The following ZNF469 variants were observed in gnomAD, a reference collection of about 807,000 sequenced individuals.
The protein encoded by ZNF469 is zinc finger protein 469.
ZNF469 carries 1 observed loss-of-function variant against 1.0 expected under a neutral mutation model. The ratio of observed to expected loss-of-function variants is 1.00; its 90% CI spans 0.35 to 4.73. The LOEUF is 4.73. Among genes scored for constraint, ZNF469 ranks in the 30% most tolerant of loss-of-function variants. ZNF469 has a pLI of 0.16. For synonymous variants in ZNF469, 2,703 were observed against 2,363.4 expected (o/e 1.14, Z -4.17); for missense variants, 6,100 against 5,356.3 (o/e 1.14, Z -4.33).
chr16:88,388,989 G>A (rs1418353293), intron 1 of ZNF469, among the ~76,000 whole-genome samples: 2 of 152,346 alleles, frequency 1.3e-5, no homozygotes, highest in African/African-American at 2.4e-5. Context: ...CCAGCCCTTC[G>A]CTGTAGGAAC....
chr16:88,363,346 G>A, the ZNF469 span, among the ~76,000 whole-genome samples: 1 of 152,190 alleles, frequency 6.6e-6, no homozygotes, highest in South Asian at 2.1e-4. Flanking sequence ...TTTAGATTCT[G>A]CTGTGTGCCT....
At position 88,429,345 on chromosome 16, in the gene ZNF469, C is replaced by A. The variant is rs886052392; in HGVS notation, c.1875C>A (p.Leu625=). ...PANPSSEESQ[L]PGPLGPSAFF... ...ACCCCAGCTCAGAGGAAAGCCAGCT[C>A]CCCGGCCCCCTCGGGCCCTCGGCCT... The change falls in exon 3 of 3, where the codon CTC becomes CTA. Residue 625 remains leucine (L), a synonymous_variant. Transcript: ENST00000565624. 8 of 1,549,710 alleles carry A rather than the reference C, an allele frequency of 5.2e-6. No homozygotes were observed. The highest frequency in any genetic ancestry group is 3.3e-4 in the Middle Eastern group (2 of 6,012).
the ZNF469 span, among the ~76,000 whole-genome samples, chr16:88,377,504 A>C: frequency 6.6e-6 from 1 of 152,236 alleles, no homozygotes; most frequent in Admixed American, 6.5e-5. Flanking sequence ...GACTGGGGCC[A>C]TTCAGATGAT....
chr16:88,252,627 G>T, the ZNF469 span, among the ~76,000 whole-genome samples: 1 of 152,130 alleles, frequency 6.6e-6, no homozygotes. Flanking sequence ...GAAGTTCTTC[G>T]CTAAATACTT....
the ZNF469 span, among the ~76,000 whole-genome samples, chr16:88,197,737 G>A: frequency 6.6e-6 from 1 of 152,222 alleles, no homozygotes; most frequent in African/African-American, 2.4e-5. Context: ...GGCCCCCCCA[G>A]GGCCGGAAGG....
At chr16:88,415,975 C>A (rs1905291900) in intron 1 of ZNF469, among the ~76,000 whole-genome samples, 1 of 152,234 alleles carries the variant, frequency 6.6e-6, no homozygotes, top group South Asian at 2.1e-4. Context: ...CACCCCATCC[C>A]CACCCAGCTC....
chr16:88,193,054 GTGATGGTGGT>G, the ZNF469 span, among the ~76,000 whole-genome samples: 252 of 96,382 alleles, frequency 2.6e-3, 3 homozygotes, highest in Middle Eastern at 5.2e-3. Flanking sequence ...GGTGATGATG[GTGATGGTGGT>G]GATGGTGGTG....
the ZNF469 span, among the ~76,000 whole-genome samples, chr16:88,166,079 G>A: frequency 2.0e-5 from 3 of 152,252 alleles, no homozygotes; most frequent in Non-Finnish European, 4.4e-5. This position sits in a 1 kb window ranked among gnomAD's most constrained non-coding sequence, Gnocchi z 4.5. Context: ...CTTGTCCCAC[G>A]GTCACTGCGT....
At chr16:88,323,187 T>C in the ZNF469 span, among the ~76,000 whole-genome samples, 1 of 152,142 alleles carries the variant, frequency 6.6e-6, no homozygotes, top group Non-Finnish European at 1.5e-5. Flanking sequence ...CCACCCTGCC[T>C]TCTGCCACGC....
chr16:88,377,279 C>T, the ZNF469 span, among the ~76,000 whole-genome samples: 1 of 152,244 alleles, frequency 6.6e-6, no homozygotes, highest in Non-Finnish European at 1.5e-5. Context: ...TGCTCAGAGC[C>T]TCACAGAGGG....
At chr16:88,261,814 C>T in the ZNF469 span, among the ~76,000 whole-genome samples, 1 of 152,158 alleles carries the variant, frequency 6.6e-6, no homozygotes, top group African/African-American at 2.4e-5. The surrounding 1 kb of genome is among the most constrained non-coding windows in gnomAD (Gnocchi z 6.0). Flanking sequence ...ACCAAGAATT[C>T]CGTCTGGATC....
At chr16:88,229,571 T>TGTGGATGTCACGCGTGTGGATGTAACGCG in the ZNF469 span, among the ~76,000 whole-genome samples, 1 of 136,358 alleles carries the variant, frequency 7.3e-6, no homozygotes, top group African/African-American at 3.1e-5. Context: ...GATGTCACGC[T>TGTGGATGTCACGCGTGTGGATGTAACGCG]TGTGCGCTGA....
At chr16:88,423,815 C>A (rs945111491) in intron 1 of ZNF469, among the ~76,000 whole-genome samples, 2 of 152,240 alleles carry the variant, frequency 1.3e-5, no homozygotes, top group African/African-American at 4.8e-5. Context: ...CATGTGTGAT[C>A]TAAGTGTGCA....
chr16:88,312,131 C>T, the ZNF469 span, among the ~76,000 whole-genome samples: 1 of 152,178 alleles, frequency 6.6e-6, no homozygotes, highest in Non-Finnish European at 1.5e-5. Context: ...CATCAGATCT[C>T]ATGAGACTTC....
chr16:88,301,113 G>A, the ZNF469 span, among the ~76,000 whole-genome samples: 11 of 152,082 alleles, frequency 7.2e-5, no homozygotes, highest in African/African-American at 2.6e-4. Flanking sequence ...AGCGTGCTTT[G>A]TACGTGAGAG....
the ZNF469 span, among the ~76,000 whole-genome samples, chr16:88,242,239 C>T: frequency 2.6e-5 from 4 of 152,242 alleles, no homozygotes; most frequent in Non-Finnish European, 5.9e-5. Context: ...TCATCAGCGG[C>T]TTCTCATCCG....
chr16:88,283,796 C>T, the ZNF469 span, among the ~76,000 whole-genome samples: 7 of 151,518 alleles, frequency 4.6e-5, no homozygotes, highest in Admixed American at 3.9e-4. Flanking sequence ...TGGTAGACCC[C>T]CAGTGTGCCC....
chr16:88,186,127 C>T, the ZNF469 span, among the ~76,000 whole-genome samples: 1 of 152,186 alleles, frequency 6.6e-6, no homozygotes, highest in Non-Finnish European at 1.5e-5. Context: ...GTTTGTGGTC[C>T]GTCTTCCTGT....
the ZNF469 span, among the ~76,000 whole-genome samples, chr16:88,172,698 T>C: frequency 6.6e-6 from 1 of 152,218 alleles, no homozygotes; most frequent in African/African-American, 2.4e-5. Context: ...TAAACAGCTA[T>C]TAAAAATGTT....
Sources: allele counts gnomAD v4.1 joint callset (sites outside exome capture counted in the v4.1 genomes callset), GRCh38; gene constraint gnomAD v4.1.1; non-coding constraint Gnocchi (gnomAD v3.1); transcripts MANE v1.5; gene names NCBI Gene and HGNC (gene_info 2026-07-23, HGNC 2026-07-21).